Variants in TRAF3 observed in about 807,000 individuals in gnomAD.
TRAF3 encodes TNF receptor-associated factor 3.
In TRAF3, 13 loss-of-function variants were observed where a neutral mutation model predicts 62.3. The observed-to-expected ratio is 0.21, with a 90% confidence interval of 0.14 to 0.33. The LOEUF is 0.33. TRAF3 is among the 10% of genes least tolerant of loss of function. TRAF3 has a pLI of 1.00. For missense variants in TRAF3, 440 were observed against 741.8 expected, an observed-to-expected ratio of 0.59 and a Z score of 4.73; for synonymous variants, 269 against 283.4, an observed-to-expected ratio of 0.95 and a Z score of 0.51.
chr14:102,789,156 T>C (rs1897658623), intron 1 of TRAF3, among the ~76,000 whole-genome samples: 1 of 152,090 alleles, frequency 6.6e-6, no homozygotes, highest in African/African-American at 2.4e-5. Context: ...CTTAGCATGA[T>C]GTTTTTGAGG....
In TRAF3 at chr14:102,899,842, G is replaced by A. The variant is rs569385397; in HGVS notation, c.960+2441G>A. On this transcript the variant is annotated intron_variant, in intron 10 of 11. Coordinates refer to ENST00000392745, the MANE Select transcript of TRAF3 (RefSeq NM_145725.3). ...TTTTTGCCTGTCCGGGGAACGATGA[G>A]TTCTTAATATTTTACTTCTTAAATA... 2.0e-5 allele frequency among the ~76,000 whole-genome samples: 3 copies of A among 152,222 alleles called. No homozygotes were observed. The East Asian group carries it at 5.8e-4, about 29-fold the overall frequency.
rs1026247138 is a variant in TRAF3, at chr14:102,903,540, T to C, written c.1135+111T>C. 11 of 1,457,870 alleles carry C rather than the reference T, an allele frequency of 7.5e-6. No homozygotes were observed. Among genetic ancestry groups the C allele is most frequent in the East Asian group, 2.4e-5 (1 of 41,576 alleles). The allele number at this position is 1,457,870 out of a possible 1,614,324, so 90.3% of individuals were successfully genotyped here. On this transcript the variant is annotated intron_variant, in intron 11 of 11. Transcript: ENST00000392745. The surrounding 1 kb of genome is among the most constrained non-coding windows in gnomAD (Gnocchi z 6.4). ...GTTAGGTACATGTGCCTTAGGACAGTTTTTTCTAATTATGGGTAACACGCA... is the reference window on the plus strand; with the variant it reads ...GTTAGGTACATGTGCCTTAGGACAGCTTTTTCTAATTATGGGTAACACGCA...
chr14:102,807,812 AAGGT>A (rs1330494784), intron 1 of TRAF3, among the ~76,000 whole-genome samples: 1 of 152,210 alleles, frequency 6.6e-6, no homozygotes, highest in Non-Finnish European at 1.5e-5. Flanking sequence ...GGCACACAGA[AAGGT>A]AGGCGCATAG....
At chr14:102,845,768 G>A (rs867863292) in intron 2 of TRAF3, among the ~76,000 whole-genome samples, 1 of 151,468 alleles carries the variant, frequency 6.6e-6, no homozygotes, top group Non-Finnish European at 1.5e-5. Context: ...TGCCCGCCTC[G>A]GCCTCCCAAA....
chr14:102,865,518 G>A (rs1366672456), intron 2 of TRAF3, among the ~76,000 whole-genome samples: 1 of 41,686 alleles, frequency 2.4e-5, no homozygotes, highest in Non-Finnish European at 4.7e-5. Flanking sequence ...TTTTTTTTTT[G>A]AGATGGAGTC....
intron 1 of TRAF3, among the ~76,000 whole-genome samples, chr14:102,812,575 T>C (rs1053609288): frequency 6.6e-6 from 1 of 152,198 alleles, no homozygotes; most frequent in Non-Finnish European, 1.5e-5. Context: ...TCCATACTGC[T>C]CTCCATAGTG....
chr14:102,871,991 C>CAT, intron 4 of TRAF3, 23 bp downstream of exon 4: 1 of 1,609,166 alleles, frequency 6.2e-7, no homozygotes, highest in Non-Finnish European at 8.5e-7. Flanking sequence ...TTTTTTTAAT[C>CAT]ATTTTGTCAC....
Position 102,909,689 on chromosome 14 carries a change from C to T in TRAF3, c.*3905C>T, listed in dbSNP as rs1890764187. On this transcript the variant is annotated 3_prime_UTR_variant, in exon 12 of 12. Transcript: ENST00000392745. ...GGCTTCCCCATGACCCCGTGTGGCC[C>T]AGCTCGGTGAGGATGCAGTTCTAGG... 1 of 152,370 alleles carries T rather than the reference C, an allele frequency of 6.6e-6. No homozygotes were observed. Among genetic ancestry groups the T allele is most frequent in the Non-Finnish European group, 1.5e-5 (1 of 68,182 alleles). 9.4% of individuals were successfully genotyped at this position (152,370 alleles called of 1,614,324 possible). A position where few individuals can be genotyped will look rare whatever the true frequency, so the allele number is the denominator to read the frequency against.
In TRAF3 at chr14:102,881,935, A is replaced by G. The variant is rs189140147; in HGVS notation, c.571-4254A>G. Reference sequence around the variant, plus strand: ...ACAGGTCAGGTTTAAGCACAAGCATATAGATTCACGAAATGGCGTCAGACC... The same window carrying G: ...ACAGGTCAGGTTTAAGCACAAGCATGTAGATTCACGAAATGGCGTCAGACC... On this transcript the variant is annotated intron_variant, in intron 6 of 11. Transcript: ENST00000392745. Among the ~76,000 whole-genome samples, 38 of 152,356 alleles carry G rather than the reference A, an allele frequency of 2.5e-4. No homozygotes were observed. In the East Asian group the frequency reaches 5.6e-3, roughly 22 times the overall value.
intron 8 of TRAF3, among the ~76,000 whole-genome samples, chr14:102,890,570 A>T (rs543923803): frequency 6.8e-4 from 104 of 152,346 alleles, no homozygotes; most frequent in African/African-American, 2.4e-3. Context: ...ACATATATAT[A>T]TGAATATTCT....
intron 2 of TRAF3, among the ~76,000 whole-genome samples, chr14:102,833,497 A>AC (rs1380507409): frequency 2.6e-5 from 4 of 152,196 alleles, no homozygotes; most frequent in African/African-American, 9.6e-5. Flanking sequence ...ATGCAAGCGA[A>AC]CACCCATATT....
chr14:102,896,689 A>C (rs1294698332), intron 9 of TRAF3, among the ~76,000 whole-genome samples: 1 of 152,218 alleles, frequency 6.6e-6, no homozygotes, highest in Non-Finnish European at 1.5e-5. Flanking sequence ...ATTTATTCTG[A>C]AATTCAATCA....
intron 2 of TRAF3, among the ~76,000 whole-genome samples, chr14:102,837,186 T>C (rs1316444046): frequency 2.0e-5 from 3 of 151,534 alleles, no homozygotes; most frequent in Non-Finnish European, 4.4e-5. Flanking sequence ...TTGCCCAGGC[T>C]GGACTGCAGT....
At chr14:102,899,664 G>T (rs1706282081) in intron 10 of TRAF3, among the ~76,000 whole-genome samples, 1 of 152,104 alleles carries the variant, frequency 6.6e-6, no homozygotes, top group Non-Finnish European at 1.5e-5. Flanking sequence ...CACGTCACTT[G>T]GGGTCTTCTT....
intron 1 of TRAF3, among the ~76,000 whole-genome samples, chr14:102,803,608 G>A (rs1450662537): frequency 2.0e-5 from 3 of 150,550 alleles, no homozygotes; most frequent in Admixed American, 6.6e-5. Flanking sequence ...ACAGGGTCTC[G>A]CTCTGTTGCT....
At chr14:102,796,737 C>T (rs141127214) in intron 1 of TRAF3, among the ~76,000 whole-genome samples, 4,146 of 152,278 alleles carry the variant, frequency 0.027, 101 homozygotes, top group Non-Finnish European at 0.038. Flanking sequence ...CTGCTTCTAC[C>T]GTGATTCCTG....
intron 6 of TRAF3, among the ~76,000 whole-genome samples, chr14:102,878,619 C>T (rs1051745239): frequency 7.9e-5 from 12 of 152,238 alleles, no homozygotes; most frequent in African/African-American, 2.4e-4. Context: ...TGTGTAACAT[C>T]GGGTAGTGAT....
intron 10 of TRAF3, among the ~76,000 whole-genome samples, chr14:102,902,648 G>A (rs1161691221): frequency 1.3e-5 from 2 of 152,188 alleles, no homozygotes; most frequent in African/African-American, 2.4e-5. Context: ...CGAGGTATAC[G>A]AGGGCTGCAG....
chr14:102,793,710 G>A (rs1330176898), intron 1 of TRAF3, among the ~76,000 whole-genome samples: 1 of 152,206 alleles, frequency 6.6e-6, no homozygotes, highest in African/African-American at 2.4e-5. Context: ...CACCAGTGCA[G>A]GATCAGGGAA....
Sources: allele counts gnomAD v4.1 joint callset (sites outside exome capture counted in the v4.1 genomes callset), GRCh38; gene constraint gnomAD v4.1.1; non-coding constraint Gnocchi (gnomAD v3.1); transcripts MANE v1.5; gene names NCBI Gene and HGNC (gene_info 2026-07-23, HGNC 2026-07-21).